Variants in ZNF443 observed in about 807,000 individuals in gnomAD.
ZNF443 encodes the protein zinc finger protein 443.
In ZNF443, 3 loss-of-function variants were observed where a neutral mutation model predicts 12.0. The observed-to-expected ratio is 0.25, with a 90% confidence interval of 0.11 to 0.64. The LOEUF (loss-of-function observed/expected upper bound fraction) is 0.64. Among genes scored for constraint, ZNF443 ranks in the 30% least tolerant of loss-of-function variants. The probability of loss-of-function intolerance (pLI) is 0.84; values close to 1 mark genes in which losing one functional copy is unlikely to be tolerated. For missense variants in ZNF443, 770 were observed against 808.8 expected (o/e 0.95, Z 0.58); for synonymous variants, 225 against 265.9 (o/e 0.85, Z 1.50).
At chr19:12,437,076 G>T (rs1970318853) in intron 1 of ZNF443, among the ~76,000 whole-genome samples, 3 of 151,652 alleles carry the variant, frequency 2.0e-5, no homozygotes, top group African/African-American at 7.3e-5. Flanking sequence ...CCAAATGCTA[G>T]GGAATTCAAT....
In ZNF443 at chr19:12,431,708, G is replaced by A. The variant is rs374780459; in HGVS notation, c.464C>T (p.Ser155Leu). The stretch of plus-strand genomic sequence containing the variant: ...GTGAAGCCTCTCATGTGTTTGAAAT[G>A]AGTTGTGGTAACTGAAGGCTTTCCC... Reference protein sequence around the residue: ...QRGKAFSYHNSFQTHERLHTG... With the variant: ...QRGKAFSYHNLFQTHERLHTG... Residue 155 changes from serine to leucine, a missense_variant, in exon 4 of 4, where the codon TCA (serine) becomes TTA (leucine). Around this residue, in one of 3 missense-constraint regions of ZNF443, gnomAD observed 736 missense variants for 689.4 expected, o/e 1.07. Coordinates refer to ENST00000301547, the MANE Select transcript of ZNF443 (RefSeq NM_005815.5). The A allele has an allele frequency of 1.3e-5, 21 of 1,614,150 alleles. No homozygotes were observed. The African/African-American group carries it at 2.7e-4, about 20-fold the overall frequency.
At chr19:12,436,609 T>C (rs1487889734) in intron 1 of ZNF443, among the ~76,000 whole-genome samples, 2 of 151,882 alleles carry the variant, frequency 1.3e-5, no homozygotes, top group East Asian at 1.9e-4. Context: ...AAAATGATGA[T>C]AAATGAATTG....
Position 12,430,048 on chromosome 19 carries a change from C to A in ZNF443, c.*108G>T. The A allele has an allele frequency of 6.3e-7, 1 of 1,581,288 alleles. No homozygotes were observed. Among genetic ancestry groups the A allele is most frequent in the Non-Finnish European group, 8.6e-7 (1 of 1,163,314 alleles). On this transcript the variant is annotated 3_prime_UTR_variant, in exon 4 of 4. Transcript: ENST00000301547. ...AAACTGAAACTACTTAAGGCTTTAC[C>A]AAGTGCTTACATTCACAGGGTCTAT...
intron 1 of ZNF443, among the ~76,000 whole-genome samples, chr19:12,438,096 C>CAA (rs59499489): frequency 4.7e-5 from 6 of 127,094 alleles, no homozygotes; most frequent in Admixed American, 8.1e-5. Flanking sequence ...GATGCTGTCT[C>CAA]AAAAAAAAAA....
rs375195653 is a variant in ZNF443, at chr19:12,431,279, A to G, written c.893T>C (p.Ile298Thr). ...CTCTCCAGTGTGAGTTCTTTCATGT[A>G]TTAGACAAGAACTGGAATCAGGGAA... Reference protein sequence around the residue: ...KAFPDSSSCLIHERTHTGEKP... With the variant: ...KAFPDSSSCLTHERTHTGEKP... The change falls in exon 4 of 4, where the codon ATA becomes ACA. Residue 298 changes from isoleucine to threonine, a missense_variant. By Grantham distance (89) the Ile-to-Thr change is moderately conservative. This residue lies in a region of ZNF443 where 736 missense variants were observed against 689.4 expected (regional missense o/e 1.07). Transcript: ENST00000301547. 1.1e-5 allele frequency: 18 copies of G among 1,613,980 alleles called. No individual in the cohort carries two copies. The African/African-American group carries it at 2.1e-4, about 19-fold the overall frequency.
intron 1 of ZNF443, among the ~76,000 whole-genome samples, chr19:12,437,852 G>T (rs1970329204): frequency 6.6e-6 from 1 of 151,936 alleles, no homozygotes; most frequent in African/African-American, 2.4e-5. Context: ...AGCACTTTAG[G>T]AGGCCAAAGC....
In ZNF443 at chr19:12,441,009, G is replaced by T. The variant is rs950208735; in HGVS notation, c.-95C>A. 2.2e-5 allele frequency: 36 copies of T among 1,606,770 alleles called. No homozygotes were observed. In the African/African-American group the frequency reaches 4.0e-4, roughly 18 times the overall value. ...AAGGCTGCCTCAGAACTTCCAGGTC[G>T]TCTCTCAGCTACAGAACCCAGAGCC... On this transcript the variant is annotated 5_prime_UTR_variant, in exon 1 of 4. Transcript: ENST00000301547.
At position 12,430,644 on chromosome 19, in the gene ZNF443, C is replaced by G; in HGVS notation, c.1528G>C (p.Gly510Arg). 6.2e-7 allele frequency: 1 copy of G among 1,614,040 alleles called. No individual in the cohort carries two copies. Among genetic ancestry groups the G allele is most frequent in the Non-Finnish European group, 8.5e-7 (1 of 1,179,960 alleles). Residue 510 changes from glycine to arginine, a missense_variant, in exon 4 of 4, where the codon GGG becomes CGG. Physicochemically the swap from Gly to Arg is moderately radical, Grantham distance 125. This residue lies in a region of ZNF443 where 736 missense variants were observed against 689.4 expected (regional missense o/e 1.07). Coordinates refer to ENST00000301547, the MANE Select transcript of ZNF443 (RefSeq NM_005815.5). ...TATCTGAAACGACTGAATGCTTTCC[C>G]ACATTCCTTACACTCATATGGCTTC... The part of the protein sequence containing the change: ...GEKPYECKEC[G>R]KAFSRFRYLS...
chr19:12,436,534 C>A (rs1217348433), intron 1 of ZNF443, among the ~76,000 whole-genome samples: 1 of 150,718 alleles, frequency 6.6e-6, no homozygotes, highest in East Asian at 1.9e-4. Context: ...CTGCAAGGTA[C>A]AACTAAAATG....
In ZNF443 at chr19:12,432,368, G is replaced by A. The variant is rs549664157; in HGVS notation, c.191+9C>T. The A allele has an allele frequency of 8.8e-5, 139 of 1,574,710 alleles. 1 individual carries two copies. Among genetic ancestry groups the A allele is most frequent in the African/African-American group, 2.7e-4 (20 of 72,942 alleles). ...AGGGACATATCTTTCTCTTGTGAGT[G>A]TAAATTACCTTAGATTTTTCCTGGG... On this transcript the variant is annotated intron_variant, in intron 3 of 3. Transcript: ENST00000301547.
chr19:12,437,857 C>A (rs1349063294), intron 1 of ZNF443, among the ~76,000 whole-genome samples: 3 of 151,020 alleles, frequency 2.0e-5, no homozygotes, highest in Non-Finnish European at 4.4e-5. Flanking sequence ...TTTAGGAGGC[C>A]AAAGCTGGTG....
Position 12,431,854 on chromosome 19 carries a change from A to G in ZNF443, c.318T>C (p.Ser106=). ...TLPGVGPCES[S]MRGEKVMGHS... The stretch of plus-strand genomic sequence containing the variant: ...GACCCATGACTTTTTCTCCTCTCAT[A>G]CTGCTTTCACAAGGACCTACTCCAG... The change falls in exon 4 of 4, where the codon AGT becomes AGC. Residue 106 remains serine, a synonymous_variant. Transcript: ENST00000301547. The G allele has an allele frequency of 6.2e-7, 1 of 1,614,112 alleles. No homozygotes were observed. The highest frequency in any genetic ancestry group is 1.1e-5 in the South Asian group (1 of 91,072).
At position 12,430,996 on chromosome 19, in the gene ZNF443, G is replaced by C. The variant is rs1970246090; in HGVS notation, c.1176C>G (p.Pro392=). The C allele has an allele frequency of 6.2e-7, 1 of 1,613,278 alleles. No homozygotes were observed. Among genetic ancestry groups the C allele is most frequent in the South Asian group, 1.1e-5 (1 of 91,028 alleles). Residue 392 remains proline (P), a synonymous_variant, in exon 4 of 4, where the codon CCC becomes CCG. Transcript: ENST00000301547. ...SHERTHTGEK[P]YECKQCGKAL... is the part of the protein sequence containing the mutation. ...CTTTCCCACACTGCTTGCATTCATA[G>C]GGTTTCTCTCCAGTGTGAGTTCTTT...
intron 1 of ZNF443, among the ~76,000 whole-genome samples, chr19:12,440,686 G>C (rs1970355945): frequency 6.6e-6 from 1 of 152,356 alleles, no homozygotes; most frequent in East Asian, 1.9e-4. Context: ...GCTGCCCAGA[G>C]AGGGCGCCGG....
In ZNF443 at chr19:12,430,990, T is replaced by C; in HGVS notation, c.1182A>G (p.Glu394=). 1.2e-6 allele frequency: 2 copies of C among 1,613,454 alleles called. No homozygotes were observed. The highest frequency in any genetic ancestry group is 1.7e-6 in the Non-Finnish European group (2 of 1,179,686). ...ATAATGCTTTCCCACACTGCTTGCA[T>C]TCATAGGGTTTCTCTCCAGTGTGAG... ...ERTHTGEKPY[E]CKQCGKALSH... Residue 394 remains glutamate, a synonymous_variant, in exon 4 of 4, where the codon GAA becomes GAG. Transcript: ENST00000301547.
rs1424768320 is a variant in ZNF443, at chr19:12,429,833, T to C, written c.*323A>G. 16 of 431,666 alleles carry C rather than the reference T, an allele frequency of 3.7e-5. No homozygotes were observed. The highest frequency in any genetic ancestry group is 5.4e-5 in the Non-Finnish European group (13 of 242,192). 26.7% of individuals were successfully genotyped at this position (431,666 alleles called of 1,614,324 possible). A position where few individuals can be genotyped will look rare whatever the true frequency, so the allele number is the denominator to read the frequency against. Reference sequence around the variant, plus strand: ...TATCATGATTCCCTAAACAATACAATAGAACAACTATTTGCATAGCTTTTA... The same window carrying C: ...TATCATGATTCCCTAAACAATACAACAGAACAACTATTTGCATAGCTTTTA... On this transcript the variant is annotated 3_prime_UTR_variant, in exon 4 of 4. Transcript: ENST00000301547.
At chr19:12,435,312 G>A (rs1167810804) in intron 1 of ZNF443, among the ~76,000 whole-genome samples, 4 of 152,048 alleles carry the variant, frequency 2.6e-5, no homozygotes, top group African/African-American at 7.2e-5. Flanking sequence ...AATATAACAC[G>A]ATCAGGGTCC....
chr19:12,434,093 G>A (rs1240567037), intron 1 of ZNF443, among the ~76,000 whole-genome samples: 1 of 152,078 alleles, frequency 6.6e-6, no homozygotes, highest in Non-Finnish European at 1.5e-5. Context: ...CTTAACCCTG[G>A]ACTTCCCGGC....
At position 12,430,379 on chromosome 19, in the gene ZNF443, G is replaced by A. The variant is rs770492742; in HGVS notation, c.1793C>T (p.Thr598Ile). ...ATGTCCTTGAAGAAAACGGGAATGA[G>A]TGAAGGCTTTACCACATTGTGGACA... ...YECPQCGKAFTHSRFLQGHEK... is the reference protein window; with the variant it reads ...YECPQCGKAFIHSRFLQGHEK... Residue 598 changes from threonine to isoleucine, a missense_variant, in exon 4 of 4, where the codon ACT becomes ATT. This residue lies in a region of ZNF443 where 736 missense variants were observed against 689.4 expected (regional missense o/e 1.07). Transcript: ENST00000301547. The A allele has an allele frequency of 6.4e-7, 1 of 1,572,896 alleles. No homozygotes were observed. The highest frequency in any genetic ancestry group is 2.4e-5 in the East Asian group (1 of 42,000).
Sources: gnomAD v4.1 joint callset for allele counts (sites outside exome capture counted in the v4.1 genomes callset) on GRCh38, gnomAD v4.1.1 for gene constraint, gnomAD v4.1.1 regional missense constraint, MANE v1.5 for transcripts, NCBI Gene and HGNC (gene_info 2026-07-23, HGNC 2026-07-21) for gene names.